The following DNMT3A variants were observed in gnomAD, a reference collection of about 807,000 sequenced individuals.
DNMT3A encodes DNA (cytosine-5)-methyltransferase 3A.
DNMT3A carries 267 observed loss-of-function variants against 117.6 expected under a neutral mutation model. The ratio of observed to expected loss-of-function variants is 2.27; its 90% CI spans 2.05 to 2.51. The LOEUF is 2.51. Among genes scored for constraint, DNMT3A ranks in the 30% most tolerant of loss-of-function variants. The pLI is 0.00. For synonymous variants in DNMT3A, 432 were observed against 474.8 expected, an observed-to-expected ratio of 0.91 and a Z score of 1.17; for missense variants, 1,029 against 1,260.2, an observed-to-expected ratio of 0.82 and a Z score of 2.78.
intron 3 of DNMT3A, among the ~76,000 whole-genome samples, chr2:25,291,546 G>T (rs1345481692): frequency 1.3e-5 from 2 of 152,240 alleles, no homozygotes; most frequent in Admixed American, 6.5e-5. Context: ...TTTTCCCTGT[G>T]GGGTGGCTAA....
chr2:25,279,698 T>C (rs1176396221), intron 4 of DNMT3A, among the ~76,000 whole-genome samples: 4 of 151,730 alleles, frequency 2.6e-5, no homozygotes, highest in African/African-American at 7.3e-5. Flanking sequence ...TTTTTTTGTA[T>C]TTTTTTGAGA....
At chr2:25,310,055 C>T (rs1217689347) in intron 2 of DNMT3A, among the ~76,000 whole-genome samples, 2 of 152,102 alleles carry the variant, frequency 1.3e-5, no homozygotes, top group Non-Finnish European at 2.9e-5. Flanking sequence ...GACTCCGTCT[C>T]AAACAAAAAA....
intron 6 of DNMT3A, among the ~76,000 whole-genome samples, chr2:25,253,932 C>T (rs552037420): frequency 3.3e-5 from 5 of 152,098 alleles, no homozygotes; most frequent in South Asian, 2.1e-4. Flanking sequence ...ATTAGCCAGG[C>T]GTGGTGGCGT....
chr2:25,246,619 C>T lies in DNMT3A; in HGVS notation c.1279+1G>A, dbSNP rs374440649. Reference sequence around the variant, plus strand: ...CCAGAAAGCTGGGTGCCCTCATTTACCTTCTGGTGGCTCCAGGCCCTTAGG... The same window carrying T: ...CCAGAAAGCTGGGTGCCCTCATTTATCTTCTGGTGGCTCCAGGCCCTTAGG... On this transcript the variant is annotated splice_donor_variant, in intron 10 of 22. Coordinates refer to ENST00000321117, the MANE Select transcript of DNMT3A (RefSeq NM_022552.5). LOFTEE classifies it high-confidence loss of function. The T allele has an allele frequency of 4.4e-6, 7 of 1,608,650 alleles. No individual in the cohort carries two copies. The highest frequency in any genetic ancestry group is 5.9e-6 in the Non-Finnish European group (7 of 1,177,260).
In DNMT3A at chr2:25,298,838, C is replaced by T. The variant is rs939108503; in HGVS notation, c.177+1301G>A. 6.6e-6 allele frequency among the ~76,000 whole-genome samples: 1 copy of T among 152,042 alleles called. No homozygotes were observed. Among genetic ancestry groups the T allele is most frequent in the Non-Finnish European group, 1.5e-5 (1 of 68,016 alleles). On this transcript the variant is annotated intron_variant, in intron 3 of 22. Transcript: ENST00000321117. This position sits in a 1 kb window ranked among gnomAD's most constrained non-coding sequence, Gnocchi z 4.3. ...ACTTACCAGTAAAATGACTTCACTCCGCCCCCCTGCCCCCCGCCTCAAATC... is the reference window on the plus strand; with the variant it reads ...ACTTACCAGTAAAATGACTTCACTCTGCCCCCCTGCCCCCCGCCTCAAATC...
chr2:25,258,347 G>A (rs1270082951), intron 6 of DNMT3A, among the ~76,000 whole-genome samples: 1 of 152,212 alleles, frequency 6.6e-6, no homozygotes, highest in African/African-American at 2.4e-5. Flanking sequence ...ATGCTGTCGG[G>A]CAGGGGCACC....
At chr2:25,264,972 G>A (rs773185434) in intron 6 of DNMT3A, among the ~76,000 whole-genome samples, 19 of 152,220 alleles carry the variant, frequency 1.2e-4, no homozygotes, top group Non-Finnish European at 2.1e-4. Context: ...TATTTCTGTC[G>A]CATTATAAAC....
upstream of DNMT3A, chr2:25,342,019 G>A: frequency 1.2e-6 from 1 of 858,876 alleles, no homozygotes. This position sits in a 1 kb window ranked among gnomAD's most constrained non-coding sequence, Gnocchi z 5.9. Context: ...TCCTCCGCCG[G>A]GTCCCCCCCT....
chr2:25,282,692 G>C lies in DNMT3A; in HGVS notation c.197C>G (p.Pro66Arg). Reference protein sequence around the residue: ...KHPPVESGDTPKDPAVISKSP... With the variant: ...KHPPVESGDTRKDPAVISKSP... ...CTTGGAGATCACCGCAGGGTCCTTTGGCGTGTCACCGCTTTCCACCTGCAA... is the reference window on the plus strand; with the variant it reads ...CTTGGAGATCACCGCAGGGTCCTTTCGCGTGTCACCGCTTTCCACCTGCAA... The change falls in exon 4 of 23, where the codon CCA (proline) becomes CGA (arginine). Residue 66 changes from proline to arginine, a missense_variant. Coordinates refer to ENST00000321117, the MANE Select transcript of DNMT3A (RefSeq NM_022552.5). The surrounding 1 kb of genome is among the most constrained non-coding windows in gnomAD (Gnocchi z 5.2). 3 of 1,539,298 alleles carry C rather than the reference G, an allele frequency of 1.9e-6. No homozygotes were observed. The highest frequency in any genetic ancestry group is 2.6e-6 in the Non-Finnish European group (3 of 1,142,208).
chr2:25,279,338 T>A (rs2031706415), intron 4 of DNMT3A, among the ~76,000 whole-genome samples: 1 of 152,080 alleles, frequency 6.6e-6, no homozygotes. Flanking sequence ...GAGCATCCCC[T>A]GAAAAGAGAC....
intron 14 of DNMT3A, 62 bp downstream of exon 14, chr2:25,244,478 C>T: frequency 5.1e-6 from 8 of 1,559,134 alleles, no homozygotes; most frequent in Admixed American, 1.7e-5. Flanking sequence ...GGAGGGGAGG[C>T]GGTGGGCGGC....
rs896197131 is a variant in DNMT3A at position 25,236,014 on chromosome 2, T to A, written c.2479-189A>T. Among the ~76,000 whole-genome samples, 30 of 151,926 alleles carry A rather than the reference T, an allele frequency of 2.0e-4. No individual in the cohort carries two copies. Among genetic ancestry groups the A allele is most frequent in the Non-Finnish European group, 3.4e-4 (23 of 67,978 alleles). On this transcript the variant is annotated intron_variant, in intron 21 of 22. Transcript: ENST00000321117. The surrounding 1 kb of genome is among the most constrained non-coding windows in gnomAD (Gnocchi z 4.5). The stretch of plus-strand genomic sequence containing the variant: ...CCTCCACAGACCCCACAGCCTCACT[T>A]TTCTTCCTACTTGGAGGTCACCTGG...
chr2:25,298,068 C>T lies in DNMT3A; in HGVS notation c.177+2071G>A, dbSNP rs989480250. On this transcript the variant is annotated intron_variant, in intron 3 of 22. Coordinates refer to ENST00000321117, the MANE Select transcript of DNMT3A (RefSeq NM_022552.5). The surrounding 1 kb of genome is among the most constrained non-coding windows in gnomAD (Gnocchi z 4.3). ...CTTTGCTGAGGCTCCTTGGTGCTTG[C>T]ACCATTTCGTTCTCACAGGGGCAAG... Among the ~76,000 whole-genome samples, 2 of 152,252 alleles carry T rather than the reference C, an allele frequency of 1.3e-5. No individual in the cohort carries two copies. The highest frequency in any genetic ancestry group is 2.9e-5 in the Non-Finnish European group (2 of 68,046).
Position 25,233,106 on chromosome 2 carries a change from T to C in DNMT3A, c.*1173A>G. The C allele has an allele frequency of 4.3e-6, 1 of 233,844 alleles. No homozygotes were observed. Among genetic ancestry groups the C allele is most frequent in the African/African-American group, 2.2e-5 (1 of 45,470 alleles). The allele number at this position is 233,844 out of a possible 1,614,324, so 14.5% of individuals were successfully genotyped here. A position where few individuals can be genotyped will look rare whatever the true frequency, so the allele number is the denominator to read the frequency against. On this transcript the variant is annotated 3_prime_UTR_variant, in exon 23 of 23. Coordinates refer to ENST00000321117, the MANE Select transcript of DNMT3A (RefSeq NM_022552.5). Reference sequence around the variant, plus strand: ...AAAGTGAGAAACTGGGCCTGAAGACTCCGTACCCTCTGCCATCTTGCCGAG... The same window carrying C: ...AAAGTGAGAAACTGGGCCTGAAGACCCCGTACCCTCTGCCATCTTGCCGAG...
At chr2:25,251,263 A>G (rs1357332969) in intron 6 of DNMT3A, among the ~76,000 whole-genome samples, 2 of 151,576 alleles carry the variant, frequency 1.3e-5, no homozygotes, top group African/African-American at 2.4e-5. Context: ...GCGTAGGGAA[A>G]GCACCCCTTT....
At chr2:25,278,625 C>T (rs36006481) in intron 4 of DNMT3A, among the ~76,000 whole-genome samples, 8,526 of 152,170 alleles carry the variant, frequency 0.056, 248 homozygotes, top group South Asian at 0.059. Flanking sequence ...CAGGAGTCCA[C>T]GACCAGCCTG....
In DNMT3A at chr2:25,237,119, C is replaced by A. The variant is rs1673463659; in HGVS notation, c.2409-114G>T. On this transcript the variant is annotated intron_variant, in intron 20 of 22. Transcript: ENST00000321117. This position sits in a 1 kb window ranked among gnomAD's most constrained non-coding sequence, Gnocchi z 5.4. The stretch of plus-strand genomic sequence containing the variant: ...AGCCACTAGTTCACAGGGTAAGAGC[C>A]CCTTCCCCAAATCACGCACACACGT... 2 of 1,018,336 alleles carry A rather than the reference C, an allele frequency of 2.0e-6. No individual in the cohort carries two copies. Among genetic ancestry groups the A allele is most frequent in the Non-Finnish European group, 2.9e-6 (2 of 686,370 alleles). The allele number at this position is 1,018,336 out of a possible 1,614,324, so 63.1% of individuals were successfully genotyped here. A position where few individuals can be genotyped will look rare whatever the true frequency, so the allele number is the denominator to read the frequency against.
At chr2:25,235,615 A>G in intron 22 of DNMT3A, 92 bp downstream of exon 22, 1 of 1,017,664 alleles carries the variant, frequency 9.8e-7, no homozygotes. Flanking sequence ...TTTGTGGAAA[A>G]CAAGTCAGGT....
chr2:25,282,582 C>T lies in DNMT3A; in HGVS notation c.307G>A (p.Glu103Lys), dbSNP rs1273690844. The change falls in exon 4 of 23, where the codon GAG (glutamate) becomes AAG (lysine). Residue 103 changes from glutamate to lysine, a missense_variant. Transcript: ENST00000321117. The surrounding 1 kb of genome is among the most constrained non-coding windows in gnomAD (Gnocchi z 5.2). ...TTCTGCCCCCCAGCAGGGCTCCCCT[C>T]CTCTGGCTGGGGCTCACTCCGCTTC... is the stretch of plus-strand genomic sequence containing the variant. ...LEKRSEPQPE[E>K]GSPAGGQKGG... 3 of 1,613,662 alleles carry T rather than the reference C, an allele frequency of 1.9e-6. No individual in the cohort carries two copies. Among genetic ancestry groups the T allele is most frequent in the South Asian group, 2.2e-5 (2 of 91,018 alleles).
Sources: gnomAD v4.1 joint callset for allele counts (sites outside exome capture counted in the v4.1 genomes callset) on GRCh38, gnomAD v4.1.1 for gene constraint, Gnocchi (gnomAD v3.1) non-coding constraint, MANE v1.5 for transcripts, NCBI Gene and HGNC (gene_info 2026-07-23, HGNC 2026-07-21) for gene names.